Variants in PPP1R1C observed in about 807,000 individuals in gnomAD.
PPP1R1C encodes the protein protein phosphatase 1 regulatory inhibitor subunit 1C.
A neutral mutation model predicts 17.4 loss-of-function variants in PPP1R1C; 15 were observed. That is an observed-to-expected ratio of 0.86 (90% CI 0.58 to 1.33). PPP1R1C has a LOEUF of 1.33. Among genes scored for constraint, PPP1R1C ranks in the 40% most tolerant of loss-of-function variants. The probability of loss-of-function intolerance (pLI) is 0.00; values close to 1 mark genes in which losing one functional copy is unlikely to be tolerated. For synonymous variants in PPP1R1C, 35 were observed against 43.1 expected, an observed-to-expected ratio of 0.81 and a Z score of 0.73; for missense variants, 143 against 130.0, an observed-to-expected ratio of 1.10 and a Z score of -0.48.
chr2:182,022,718 A>C (rs990651922), intron 2 of PPP1R1C, among the ~76,000 whole-genome samples: 2 of 152,224 alleles, frequency 1.3e-5, no homozygotes, highest in African/African-American at 4.8e-5. Context: ...TCTTAGTAGA[A>C]GCTTGAGAGA....
intron 4 of PPP1R1C, among the ~76,000 whole-genome samples, chr2:182,080,248 T>C (rs1688435248): frequency 1.3e-5 from 2 of 152,208 alleles, no homozygotes; most frequent in African/African-American, 4.8e-5. Flanking sequence ...CCCCCAATAG[T>C]CTGCTCTATC....
In PPP1R1C at chr2:181,957,653, T is replaced by C. The variant is rs1391347150; in HGVS notation, n.111+3019T>C. ...TTGAGTATTCTTTATTTTCTTCTTA[T>C]ACCCAAATAATCAAAATCTGATAAT... On this transcript the variant is annotated intron_variant and non_coding_transcript_variant, in intron 1 of 5. Coordinates refer to the PPP1R1C transcript ENST00000464264. The surrounding 1 kb of genome is among the most constrained non-coding windows in gnomAD (Gnocchi z 4.2). Among the ~76,000 whole-genome samples, 3 of 152,206 alleles carry C rather than the reference T, an allele frequency of 2.0e-5. No homozygotes were observed. Among genetic ancestry groups the C allele is most frequent in the Non-Finnish European group, 4.4e-5 (3 of 68,034 alleles).
At position 181,967,863 on chromosome 2, in the gene PPP1R1C, G is replaced by A. The variant is rs905676554; in HGVS notation, n.112-7356G>A. Among the ~76,000 whole-genome samples, 1 of 152,020 alleles carries A rather than the reference G, an allele frequency of 6.6e-6. No individual in the cohort carries two copies. The highest frequency in any genetic ancestry group is 1.5e-5 in the Non-Finnish European group (1 of 67,998). On this transcript the variant is annotated intron_variant and non_coding_transcript_variant, in intron 1 of 5. Transcript: ENST00000464264. This position sits in a 1 kb window ranked among gnomAD's most constrained non-coding sequence, Gnocchi z 5.5. ...CCAGAGTAGCTGGGATTACAGGCAC[G>A]AGCCACCATGCCTGGCTAATTTTGT... is the stretch of plus-strand genomic sequence containing the variant.
At chr2:181,995,396 C>T (rs1052550344) in intron 2 of PPP1R1C, among the ~76,000 whole-genome samples, 12 of 152,126 alleles carry the variant, frequency 7.9e-5, no homozygotes, top group Non-Finnish European at 4.4e-5. Context: ...AATAGCGCAT[C>T]CTCCTAAGAC....
At chr2:182,040,934 A>G (rs1002852060) in intron 2 of PPP1R1C, among the ~76,000 whole-genome samples, 8 of 151,988 alleles carry the variant, frequency 5.3e-5, no homozygotes, top group African/African-American at 1.9e-4. Context: ...ATGTTTTTGT[A>G]TGCTTTGTCA....
chr2:182,089,340 T>C (rs1688717996), intron 4 of PPP1R1C, among the ~76,000 whole-genome samples: 2 of 152,184 alleles, frequency 1.3e-5, no homozygotes, highest in South Asian at 4.1e-4. Flanking sequence ...GAAAGGGTAG[T>C]AGAAGGAAGA....
chr2:182,054,003 C>T (rs555142266), intron 2 of PPP1R1C, among the ~76,000 whole-genome samples: 99 of 152,178 alleles, frequency 6.5e-4, no homozygotes, highest in South Asian at 1.7e-3. Flanking sequence ...CCACCACCCC[C>T]GGCCAGATTC....
At chr2:181,972,792 G>A (rs1234559608) in intron 1 of PPP1R1C, among the ~76,000 whole-genome samples, 2 of 152,098 alleles carry the variant, frequency 1.3e-5, no homozygotes, top group Admixed American at 6.5e-5. Context: ...CAGATGATGA[G>A]CTAAACTGAT....
At chr2:182,037,172 AAC>A (rs923212001) in intron 2 of PPP1R1C, among the ~76,000 whole-genome samples, 1 of 152,234 alleles carries the variant, frequency 6.6e-6, no homozygotes, top group Non-Finnish European at 1.5e-5. Flanking sequence ...TAAAAACAAA[AAC>A]AAACAAAAAA....
intron 4 of PPP1R1C, among the ~76,000 whole-genome samples, chr2:182,106,802 A>G (rs2125231489): frequency 6.6e-6 from 1 of 152,320 alleles, no homozygotes; most frequent in African/African-American, 2.4e-5. Flanking sequence ...CTAGGGCTTC[A>G]GGAGCTGTAA....
At chr2:182,049,795 T>A (rs1574410598) in intron 2 of PPP1R1C, among the ~76,000 whole-genome samples, 7 of 152,234 alleles carry the variant, frequency 4.6e-5, no homozygotes, top group Admixed American at 4.6e-4. Context: ...TTGTATTTTT[T>A]AAATTTACGT....
At chr2:182,038,227 T>C (rs1687072056) in intron 2 of PPP1R1C, among the ~76,000 whole-genome samples, 1 of 151,984 alleles carries the variant, frequency 6.6e-6, no homozygotes, top group Non-Finnish European at 1.5e-5. Context: ...TTTGTAGATA[T>C]AAGGTTTTAC....
chr2:181,964,505 A>C (rs1684870572), intron 1 of PPP1R1C, among the ~76,000 whole-genome samples: 1 of 152,196 alleles, frequency 6.6e-6, no homozygotes, highest in Non-Finnish European at 1.5e-5. Flanking sequence ...ACTGGATCAT[A>C]TGGTAGCTCT....
chr2:182,003,267 A>C (rs1430668877), intron 2 of PPP1R1C, among the ~76,000 whole-genome samples: 1 of 152,096 alleles, frequency 6.6e-6, no homozygotes. Context: ...TCCTACAACT[A>C]TAACACTTAG....
At chr2:182,118,392 ATC>A (rs1689646060), downstream of PPP1R1C, among the ~76,000 whole-genome samples, 1 of 152,144 alleles carries the variant, frequency 6.6e-6, no homozygotes, top group Non-Finnish European at 1.5e-5. Flanking sequence ...AAGGCAAAGT[ATC>A]TAAACTACAA....
At chr2:182,130,314 C>T (rs528686156), downstream of PPP1R1C, 14 of 152,240 alleles carry the variant, frequency 9.2e-5, no homozygotes, top group Admixed American at 2.0e-4. Context: ...AGCATAATCA[C>T]CCAGACCTAC....
At chr2:182,054,362 A>G (rs1687619020) in intron 2 of PPP1R1C, among the ~76,000 whole-genome samples, 1 of 152,144 alleles carries the variant, frequency 6.6e-6, no homozygotes, top group Non-Finnish European at 1.5e-5. Context: ...GTAGATTTGT[A>G]TACCTACTAT....
intron 2 of PPP1R1C, among the ~76,000 whole-genome samples, chr2:181,975,973 CT>C (rs1411474659): frequency 3.9e-5 from 6 of 151,926 alleles, no homozygotes; most frequent in African/African-American, 1.4e-4. Context: ...TGTGAAAAAT[CT>C]TTTTCTGCAT....
At position 181,967,871 on chromosome 2, in the gene PPP1R1C, A is replaced by G. The variant is rs1684933355; in HGVS notation, n.112-7348A>G. 2.0e-5 allele frequency among the ~76,000 whole-genome samples: 3 copies of G among 152,202 alleles called. No individual in the cohort carries two copies. Among genetic ancestry groups the G allele is most frequent in the South Asian group, 4.1e-4 (2 of 4,826 alleles). ...GCTGGGATTACAGGCACGAGCCACC[A>G]TGCCTGGCTAATTTTGTGTTTTTAG... On this transcript the variant is annotated intron_variant and non_coding_transcript_variant, in intron 1 of 5. Coordinates refer to the PPP1R1C transcript ENST00000464264. The surrounding 1 kb of genome is among the most constrained non-coding windows in gnomAD (Gnocchi z 5.5).
Sources: allele counts gnomAD v4.1 joint callset (sites outside exome capture counted in the v4.1 genomes callset), GRCh38; gene constraint gnomAD v4.1.1; non-coding constraint Gnocchi (gnomAD v3.1); transcripts MANE v1.5; gene names NCBI Gene and HGNC (gene_info 2026-07-23, HGNC 2026-07-21).